GRK5: variants seen among roughly 807,000 people sequenced by gnomAD.
The protein encoded by GRK5 is G protein-coupled receptor kinase 5.
Under a neutral mutation model 78.4 loss-of-function variants are expected in GRK5, and 40 were observed. The observed-to-expected ratio is 0.51, with a 90% CI of 0.40 to 0.66. GRK5 has a LOEUF of 0.66. GRK5 is among the 30% of genes least tolerant of loss of function. The probability of loss-of-function intolerance (pLI) is 0.00; values close to 1 mark genes in which losing one functional copy is unlikely to be tolerated. For synonymous variants in GRK5, 289 were observed against 296.8 expected (o/e 0.97, Z 0.27); for missense variants, 598 against 759.9 (o/e 0.79, Z 2.50).
intron 11 of GRK5, among the ~76,000 whole-genome samples, chr10:119,442,795 G>C (rs1308528580): frequency 1.3e-5 from 2 of 152,228 alleles, no homozygotes; most frequent in African/African-American, 4.8e-5. Context: ...TTTTCAGATT[G>C]CATGACATTT....
chr10:119,210,193 C>G (rs996775187), intron 1 of GRK5, among the ~76,000 whole-genome samples: 6 of 151,926 alleles, frequency 3.9e-5, no homozygotes, highest in African/African-American at 1.4e-4. Flanking sequence ...AGAGTTTGGT[C>G]GTCATCTCAT....
chr10:119,427,481 A>G (rs1852716867), intron 6 of GRK5, among the ~76,000 whole-genome samples: 1 of 152,016 alleles, frequency 6.6e-6, no homozygotes, highest in African/African-American at 2.4e-5. Flanking sequence ...CACCATCATC[A>G]GCATCACCGC....
intron 2 of GRK5, among the ~76,000 whole-genome samples, chr10:119,367,543 C>G (rs1851468411): frequency 6.6e-6 from 1 of 152,226 alleles, no homozygotes; most frequent in Non-Finnish European, 1.5e-5. Flanking sequence ...ACATGGTTGG[C>G]TGGGAGAATC....
intron 3 of GRK5, among the ~76,000 whole-genome samples, chr10:119,394,275 C>CTGTGTGTGAGTATCCGTGTATCTAT (rs1554916264): frequency 5.2e-5 from 1 of 19,138 alleles, no homozygotes; most frequent in Non-Finnish European, 9.9e-5. Flanking sequence ...TGTGTGTGGG[C>CTGTGTGTGAGTATCCGTGTATCTAT]GTGTGTGTGG....
intron 3 of GRK5, among the ~76,000 whole-genome samples, chr10:119,384,558 T>C (rs1328669367): frequency 6.6e-6 from 1 of 152,226 alleles, no homozygotes; most frequent in Non-Finnish European, 1.5e-5. Flanking sequence ...ATGTCTGGAA[T>C]AGCACTGAGG....
At chr10:119,420,155 TATA>T (rs1310444304) in intron 4 of GRK5, among the ~76,000 whole-genome samples, 1 of 152,180 alleles carries the variant, frequency 6.6e-6, no homozygotes, top group Non-Finnish European at 1.5e-5. Flanking sequence ...AAATGGACAC[TATA>T]ATAATAGCCA....
At chr10:119,384,005 A>C (rs1401786734) in intron 3 of GRK5, among the ~76,000 whole-genome samples, 1 of 152,162 alleles carries the variant, frequency 6.6e-6, no homozygotes, top group Non-Finnish European at 1.5e-5. Context: ...CCAGGTTCCG[A>C]GGCTGACTTA....
At chr10:119,249,115 A>G (rs1252222470) in intron 1 of GRK5, among the ~76,000 whole-genome samples, 1 of 151,952 alleles carries the variant, frequency 6.6e-6, no homozygotes, top group Non-Finnish European at 1.5e-5. Flanking sequence ...CTAAATATAC[A>G]AAAAAATTAG....
intron 5 of GRK5, among the ~76,000 whole-genome samples, chr10:119,423,997 G>T (rs1852623559): frequency 6.6e-6 from 1 of 152,132 alleles, no homozygotes; most frequent in African/African-American, 2.4e-5. Context: ...CCCAATCCTG[G>T]CTTTCATGGA....
chr10:119,291,765 C>G (rs1849966162), intron 1 of GRK5, among the ~76,000 whole-genome samples: 1 of 149,654 alleles, frequency 6.7e-6, no homozygotes, highest in Admixed American at 6.6e-5. Flanking sequence ...CTTCCTCATC[C>G]TCCTCCTTAT....
chr10:119,444,037 G>A (rs957119520), intron 12 of GRK5, among the ~76,000 whole-genome samples: 5 of 152,104 alleles, frequency 3.3e-5, no homozygotes, highest in African/African-American at 1.2e-4. Flanking sequence ...CAGCCTGTGG[G>A]GGGGTCCACA....
At chr10:119,288,429 A>T in intron 1 of GRK5, among the ~76,000 whole-genome samples, 1 of 152,264 alleles carries the variant, frequency 6.6e-6, no homozygotes, top group Middle Eastern at 3.4e-3. Flanking sequence ...GGTGCTTAAC[A>T]AGTAGGTATC....
chr10:119,311,860 C>T (rs566967752), intron 1 of GRK5, among the ~76,000 whole-genome samples: 68 of 149,566 alleles, frequency 4.5e-4, no homozygotes, highest in African/African-American at 1.5e-3. Flanking sequence ...TGGAATTAAA[C>T]GGAGGTGGTG....
intron 3 of GRK5, among the ~76,000 whole-genome samples, chr10:119,394,575 GTC>G (rs1462143564): frequency 9.1e-4 from 3 of 3,312 alleles, no homozygotes; most frequent in Non-Finnish European, 1.9e-3. Flanking sequence ...GTGTGTGTGT[GTC>G]TGTGTGTGGG....
intron 3 of GRK5, among the ~76,000 whole-genome samples, chr10:119,388,202 A>G (rs1357825060): frequency 1.3e-5 from 2 of 151,664 alleles, no homozygotes; most frequent in Admixed American, 6.6e-5. Context: ...TGATGCTTCC[A>G]CCTTGGCTTC....
chr10:119,333,317 T>A (rs889000024), intron 2 of GRK5: 1 of 158,142 alleles, frequency 6.3e-6, no homozygotes, highest in African/African-American at 2.4e-5. Flanking sequence ...ATGAGGCAGC[T>A]CAGCATGGTA....
chr10:119,330,876 C>T (rs1039137331), intron 2 of GRK5, among the ~76,000 whole-genome samples: 1 of 152,128 alleles, frequency 6.6e-6, no homozygotes, highest in Non-Finnish European at 1.5e-5. Context: ...CAAAAATTAG[C>T]CAGGCATGGT....
rs771359772 is a variant in GRK5, at chr10:119,317,496, G to A, written c.53-9020G>A. Among the ~76,000 whole-genome samples the A allele has an allele frequency of 1.3e-4, 20 of 152,050 alleles. No individual in the cohort carries two copies. In the East Asian group the frequency reaches 1.7e-3, roughly 13 times the overall value. Reference sequence around the variant, plus strand: ...GCCCCTGAGGCTGTCTCATTGGCCCGGACCCCTCAAGGCCGCAGCTGAGCA... The same window carrying A: ...GCCCCTGAGGCTGTCTCATTGGCCCAGACCCCTCAAGGCCGCAGCTGAGCA... On this transcript the variant is annotated intron_variant, in intron 1 of 15. Coordinates refer to ENST00000392870, the MANE Select transcript of GRK5 (RefSeq NM_005308.3).
intron 1 of GRK5, among the ~76,000 whole-genome samples, chr10:119,247,549 T>A (rs1400811517): frequency 6.6e-6 from 1 of 152,220 alleles, no homozygotes; most frequent in African/African-American, 2.4e-5. Flanking sequence ...CTGGAGAAGG[T>A]TAGGTCATGC....
Sources: gnomAD v4.1 joint callset for allele counts (sites outside exome capture counted in the v4.1 genomes callset) on GRCh38, gnomAD v4.1.1 for gene constraint, MANE v1.5 for transcripts, NCBI Gene and HGNC (gene_info 2026-07-23, HGNC 2026-07-21) for gene names.